Variants in NKAIN2 observed in about 807,000 individuals in gnomAD.
NKAIN2 encodes sodium/potassium-transporting ATPase subunit beta-1-interacting protein 2.
In NKAIN2, 14 loss-of-function variants were observed where a neutral mutation model predicts 32.6. The observed-to-expected ratio is 0.43, with a 90% CI of 0.28 to 0.67. NKAIN2 has a LOEUF of 0.67. NKAIN2 is among the 30% of genes least tolerant of loss of function. The pLI, the probability that NKAIN2 is intolerant of heterozygous loss-of-function variation, is 0.17. For synonymous variants in NKAIN2, 80 were observed against 87.2 expected, an observed-to-expected ratio of 0.92 and a Z score of 0.46; for missense variants, 198 against 258.3, an observed-to-expected ratio of 0.77 and a Z score of 1.60.
intron 1 of NKAIN2, among the ~76,000 whole-genome samples, chr6:124,107,044 TAAGGCCTCG>T (rs1433831166): frequency 1.3e-5 from 2 of 152,074 alleles, no homozygotes; most frequent in African/African-American, 4.8e-5. Context: ...GGTAGTCAGG[TAAGGCCTCG>T]GGAGTTGTTG....
chr6:124,358,763 G>A (rs1292980526), intron 3 of NKAIN2, among the ~76,000 whole-genome samples: 1 of 151,406 alleles, frequency 6.6e-6, no homozygotes, highest in African/African-American at 2.4e-5. Flanking sequence ...CTGTGCAGAA[G>A]CTCTTTAGTT....
intron 1 of NKAIN2, among the ~76,000 whole-genome samples, chr6:124,039,840 C>A (rs180780001): frequency 6.6e-6 from 1 of 151,852 alleles, no homozygotes; most frequent in African/African-American, 2.4e-5. Context: ...TGACTGGTTG[C>A]GGTGACTATT....
chr6:124,321,919 C>T (rs1797210918), intron 2 of NKAIN2, among the ~76,000 whole-genome samples: 1 of 152,120 alleles, frequency 6.6e-6, no homozygotes. Context: ...TGGAAATAAG[C>T]AGAATATGTA....
intron 1 of NKAIN2, among the ~76,000 whole-genome samples, chr6:124,195,587 G>A (rs756579451): frequency 1.1e-4 from 17 of 152,104 alleles, no homozygotes; most frequent in Non-Finnish European, 2.1e-4. Flanking sequence ...TTTGTCCAAA[G>A]GCAGTGAAGT....
intron 1 of NKAIN2, among the ~76,000 whole-genome samples, chr6:124,262,800 C>T (rs1268922125): frequency 1.3e-5 from 2 of 152,136 alleles, no homozygotes; most frequent in African/African-American, 4.8e-5. Flanking sequence ...AGGTTAATAA[C>T]AAGCAACGAT....
intron 1 of NKAIN2, among the ~76,000 whole-genome samples, chr6:124,131,468 G>C (rs1473864284): frequency 2.0e-5 from 3 of 152,150 alleles, no homozygotes; most frequent in Non-Finnish European, 2.9e-5. Context: ...CCACAGGAAT[G>C]TACCAGGAAA....
At chr6:124,072,975 T>C (rs1457877847) in intron 1 of NKAIN2, among the ~76,000 whole-genome samples, 2 of 152,194 alleles carry the variant, frequency 1.3e-5, no homozygotes, top group Non-Finnish European at 2.9e-5. Context: ...TTATACTGAC[T>C]ATGTTTGGTC....
rs866167049 is a variant in NKAIN2 at position 124,331,374 on chromosome 6, A to C, written c.193-23893A>C. 4.0e-3 allele frequency among the ~76,000 whole-genome samples: 579 copies of C among 144,982 alleles called. 1 individual carries two copies. Among genetic ancestry groups the C allele is most frequent in the African/African-American group, 0.014 (524 of 38,252 alleles). ...AAAAAAAAAAAAAAAAAAAAAAAAAAAAAAACTAGCTGGGCGTGGTGGCGG... is the reference window on the plus strand; with the variant it reads ...AAAAAAAAAAAAAAAAAAAAAAAAACAAAAACTAGCTGGGCGTGGTGGCGG... On this transcript the variant is annotated intron_variant, in intron 2 of 6. Coordinates refer to ENST00000368417, the MANE Select transcript of NKAIN2 (RefSeq NM_001040214.3).
intron 1 of NKAIN2, among the ~76,000 whole-genome samples, chr6:124,172,754 A>G (rs918012855): frequency 2.0e-5 from 3 of 152,172 alleles, no homozygotes; most frequent in Non-Finnish European, 4.4e-5. Context: ...GAGATATTTC[A>G]TATCTGAAAT....
chr6:124,576,752 T>G (rs777825933), intron 3 of NKAIN2, among the ~76,000 whole-genome samples: 1 of 152,178 alleles, frequency 6.6e-6, no homozygotes, highest in Non-Finnish European at 1.5e-5. Context: ...AAATACTCTT[T>G]AAGAAACGCA....
chr6:124,672,340 ATTG>A (rs1356419082), intron 4 of NKAIN2, among the ~76,000 whole-genome samples: 1 of 152,010 alleles, frequency 6.6e-6, no homozygotes, highest in Non-Finnish European at 1.5e-5. Context: ...CAATGTGGGA[ATTG>A]TTGTCATCTC....
chr6:124,342,377 C>A lies in NKAIN2; in HGVS notation c.193-12890C>A, dbSNP rs556813757. Reference sequence around the variant, plus strand: ...TGAGCCGAGATTGCCCCACTGCACTCCAGTCTGGGTGACAGAGTGAGACTC... The same window carrying A: ...TGAGCCGAGATTGCCCCACTGCACTACAGTCTGGGTGACAGAGTGAGACTC... On this transcript the variant is annotated intron_variant, in intron 2 of 6. Coordinates refer to ENST00000368417, the MANE Select transcript of NKAIN2 (RefSeq NM_001040214.3). Among the ~76,000 whole-genome samples, 26 of 148,178 alleles carry A rather than the reference C, an allele frequency of 1.8e-4. 1 individual carries two copies. In the South Asian group the frequency reaches 5.3e-3, roughly 30 times the overall value.
In NKAIN2 at chr6:124,469,545, T is replaced by C. The variant is rs552431486; in HGVS notation, c.273+114198T>C. On this transcript the variant is annotated intron_variant, in intron 3 of 6. Coordinates refer to ENST00000368417, the MANE Select transcript of NKAIN2 (RefSeq NM_001040214.3). ...ATAATCATTGCAAATAACAAAGGTC[T>C]ATTATGGTCCTTTTTTATTTTGCTA... Among the ~76,000 whole-genome samples the C allele has an allele frequency of 2.0e-5, 3 of 152,340 alleles. No individual in the cohort carries two copies. The East Asian group carries it at 5.8e-4, about 29-fold the overall frequency.
At chr6:124,626,830 A>G (rs1355954522) in intron 3 of NKAIN2, among the ~76,000 whole-genome samples, 2 of 152,148 alleles carry the variant, frequency 1.3e-5, no homozygotes, top group East Asian at 1.9e-4. Context: ...ATCAAGACCT[A>G]TGTTCTTATT....
intron 3 of NKAIN2, among the ~76,000 whole-genome samples, chr6:124,586,171 G>A (rs1781704147): frequency 6.6e-6 from 1 of 152,054 alleles, no homozygotes; most frequent in African/African-American, 2.4e-5. Flanking sequence ...TTGCCTTGTA[G>A]TTTTGCCTTT....
chr6:123,804,119 C>A lies in NKAIN2; in HGVS notation c.-82C>A. 7.6e-7 allele frequency: 1 copy of A among 1,321,704 alleles called. No homozygotes were observed. Among genetic ancestry groups the A allele is most frequent in the African/African-American group, 1.4e-5 (1 of 69,262 alleles). 81.9% of individuals were successfully genotyped at this position (1,321,704 alleles called of 1,614,324 possible). ...GCCCTCGGCAGGTTTGCGTGTCCTT[C>A]CCCGCGATCTGATTGGATAAAGTGG... is the stretch of plus-strand genomic sequence containing the variant. On this transcript the variant is annotated 5_prime_UTR_variant, in exon 1 of 7. Coordinates refer to ENST00000368417, the MANE Select transcript of NKAIN2 (RefSeq NM_001040214.3).
intron 3 of NKAIN2, among the ~76,000 whole-genome samples, chr6:124,489,053 A>G (rs1777761829): frequency 1.3e-5 from 2 of 151,982 alleles, no homozygotes. Context: ...AGTTAGAGCT[A>G]CAGTGTATTC....
At chr6:124,406,922 T>G (rs1461707414) in intron 3 of NKAIN2, among the ~76,000 whole-genome samples, 1 of 152,074 alleles carries the variant, frequency 6.6e-6, no homozygotes, top group Non-Finnish European at 1.5e-5. Flanking sequence ...CCAATTTTTC[T>G]TGTTCTTTTT....
chr6:123,888,703 T>C (rs913481016), intron 1 of NKAIN2, among the ~76,000 whole-genome samples: 5 of 152,158 alleles, frequency 3.3e-5, no homozygotes, highest in African/African-American at 9.7e-5. Context: ...TTGGTTTTAG[T>C]ACTACATTTC....
Sources: allele counts gnomAD v4.1 joint callset (sites outside exome capture counted in the v4.1 genomes callset), GRCh38; gene constraint gnomAD v4.1.1; transcripts MANE v1.5; gene names NCBI Gene and HGNC (gene_info 2026-07-23, HGNC 2026-07-21).